Variants in SYN2 observed in about 807,000 individuals in gnomAD.
The protein encoded by SYN2 is synapsin II.
A neutral mutation model predicts 50.9 loss-of-function variants in SYN2; 19 were observed. The observed-to-expected ratio is 0.37, with a 90% CI of 0.26 to 0.55. The LOEUF is 0.55. SYN2 is among the 20% of genes least tolerant of loss of function. The pLI is 0.81. For missense variants in SYN2, 587 were observed against 576.4 expected, an observed-to-expected ratio of 1.02 and a Z score of -0.19; for synonymous variants, 255 against 224.9, an observed-to-expected ratio of 1.13 and a Z score of -1.20.
intron 1 of SYN2, among the ~76,000 whole-genome samples, chr3:12,133,009 C>T (rs1009759577): frequency 3.9e-5 from 6 of 152,210 alleles, no homozygotes; most frequent in African/African-American, 7.2e-5. Context: ...TTTCTGCCCA[C>T]GTCCACATCT....
At chr3:12,061,977 A>T (rs1199594663) in intron 1 of SYN2, among the ~76,000 whole-genome samples, 2 of 152,048 alleles carry the variant, frequency 1.3e-5, no homozygotes, top group African/African-American at 4.8e-5. Flanking sequence ...TGGAATCCCA[A>T]TCAAAATCCC....
chr3:12,170,918 A>G (rs1446101753), intron 10 of SYN2, among the ~76,000 whole-genome samples: 1 of 152,222 alleles, frequency 6.6e-6, no homozygotes, highest in Non-Finnish European at 1.5e-5. Context: ...CCAGCACATA[A>G]AACAGTGTAA....
chr3:12,070,964 C>G (rs1280247074), intron 1 of SYN2: 6 of 548,136 alleles, frequency 1.1e-5, no homozygotes, highest in Admixed American at 9.7e-5. Flanking sequence ...TAGGAGCTGC[C>G]TGACAGCCTG....
intron 1 of SYN2, among the ~76,000 whole-genome samples, chr3:12,020,865 C>T (rs1694119674): frequency 6.6e-6 from 1 of 152,142 alleles, no homozygotes; most frequent in Admixed American, 6.5e-5. Flanking sequence ...AGCTATTAAA[C>T]AAGCAATGTA....
intron 1 of SYN2, among the ~76,000 whole-genome samples, chr3:12,018,289 T>C (rs1309538401): frequency 1.3e-5 from 2 of 152,072 alleles, no homozygotes; most frequent in African/African-American, 4.8e-5. Context: ...AGTAAAAATA[T>C]AGTAACAGTA....
intron 1 of SYN2, among the ~76,000 whole-genome samples, chr3:12,058,202 A>T (rs1695036974): frequency 6.6e-6 from 1 of 152,198 alleles, no homozygotes; most frequent in Non-Finnish European, 1.5e-5. Flanking sequence ...TAGATTTCTG[A>T]TGTAAGTTGA....
chr3:12,167,084 GGC>G, intron 7 of SYN2, 148 bp from the exon 8 acceptor site: 1 of 744,224 alleles, frequency 1.3e-6, no homozygotes, highest in South Asian at 1.7e-5. Flanking sequence ...GAGGCACCCA[GGC>G]TCTAGGCTCA....
intron 1 of SYN2, among the ~76,000 whole-genome samples, chr3:12,079,200 G>C (rs540224880): frequency 3.2e-4 from 49 of 152,238 alleles, no homozygotes; most frequent in African/African-American, 1.2e-3. Context: ...AGAAGCTTTT[G>C]GGCTGAGATG....
chr3:12,151,384 C>A, intron 5 of SYN2, 58 bp downstream of exon 5: 1 of 1,396,692 alleles, frequency 7.2e-7, no homozygotes, highest in Admixed American at 1.8e-5. Context: ...CACTTAGCCA[C>A]CTGGTTATTG....
At chr3:12,166,114 G>A (rs191044971) in intron 7 of SYN2, among the ~76,000 whole-genome samples, 9 of 152,258 alleles carry the variant, frequency 5.9e-5, no homozygotes, top group African/African-American at 1.7e-4. Flanking sequence ...GACCCTGTTC[G>A]TTAACTCATG....
chr3:12,031,824 C>T (rs1381289343), intron 1 of SYN2, among the ~76,000 whole-genome samples: 1 of 43,290 alleles, frequency 2.3e-5, no homozygotes, highest in East Asian at 7.1e-4. Context: ...TGGGTCTTGA[C>T]TCTTTATCCA....
At chr3:12,007,355 G>A (rs976503367) in intron 1 of SYN2, among the ~76,000 whole-genome samples, 1 of 152,142 alleles carries the variant, frequency 6.6e-6, no homozygotes, top group Non-Finnish European at 1.5e-5. Context: ...GTGTTTCTGT[G>A]CTTAATAGCA....
At chr3:12,145,453 C>T (rs1697124920) in intron 3 of SYN2, among the ~76,000 whole-genome samples, 1 of 152,048 alleles carries the variant, frequency 6.6e-6, no homozygotes, top group Admixed American at 6.5e-5. Flanking sequence ...GGAGGATCAC[C>T]TGAACCCAGG....
chr3:12,149,582 C>T (rs1261949729), intron 4 of SYN2, among the ~76,000 whole-genome samples: 1 of 152,200 alleles, frequency 6.6e-6, no homozygotes, highest in Non-Finnish European at 1.5e-5. Context: ...CTTTCCTTTG[C>T]TCTCCAGCCT....
At chr3:12,055,315 A>G (rs1299083123) in intron 1 of SYN2, among the ~76,000 whole-genome samples, 1 of 152,164 alleles carries the variant, frequency 6.6e-6, no homozygotes, top group Non-Finnish European at 1.5e-5. Context: ...AGGTAATGAC[A>G]ATGAAAACAC....
intron 1 of SYN2, among the ~76,000 whole-genome samples, chr3:12,124,063 G>A (rs932554499): frequency 1.3e-5 from 2 of 152,018 alleles, no homozygotes; most frequent in African/African-American, 4.8e-5. Flanking sequence ...CTTCTGAAAG[G>A]ACTACAAAAA....
Position 12,148,630 on chromosome 3 carries a change from A to C in SYN2, c.685-2607A>C. On this transcript the variant is annotated intron_variant, in intron 4 of 12. Transcript: ENST00000621198. ...CAGAAGTGGACCTGTCAATGAAAGC[A>C]GCATTCCAGACAAAGCAAGAATGGC... 2 of 152,248 alleles carry C rather than the reference A, an allele frequency of 1.3e-5. 1 individual carries two copies. Among genetic ancestry groups the C allele is most frequent in the Non-Finnish European group, 2.9e-5 (2 of 68,054 alleles). The allele number at this position is 152,248 out of a possible 1,614,324, so 9.4% of individuals were successfully genotyped here. A position where few individuals can be genotyped will look rare whatever the true frequency, so the allele number is the denominator to read the frequency against.
intron 1 of SYN2, among the ~76,000 whole-genome samples, chr3:12,046,268 T>C (rs961387310): frequency 1.3e-5 from 2 of 152,096 alleles, no homozygotes; most frequent in Admixed American, 6.5e-5. Flanking sequence ...GTATATTACA[T>C]TTAAAATGAG....
chr3:12,143,982 G>A (rs1021842478), intron 3 of SYN2, among the ~76,000 whole-genome samples: 4 of 152,210 alleles, frequency 2.6e-5, no homozygotes, highest in African/African-American at 9.6e-5. Flanking sequence ...TCTCAGCCTG[G>A]GTGCAGCTGG....
Sources: allele counts gnomAD v4.1 joint callset (sites outside exome capture counted in the v4.1 genomes callset), GRCh38; gene constraint gnomAD v4.1.1; transcripts MANE v1.5; gene names NCBI Gene and HGNC (gene_info 2026-07-23, HGNC 2026-07-21).